The following SORL1 variants were observed in gnomAD, a reference collection of about 807,000 sequenced individuals.
SORL1 encodes the protein sortilin related receptor 1.
Under a neutral mutation model 273.7 loss-of-function variants are expected in SORL1, and 127 were observed. The observed-to-expected ratio is 0.46, with a 90% CI of 0.40 to 0.54. The LOEUF (loss-of-function observed/expected upper bound fraction) is 0.54. Among genes scored for constraint, SORL1 ranks in the 20% least tolerant of loss-of-function variants. SORL1 has a pLI of 0.00. For synonymous variants in SORL1, 1,031 were observed against 1,067.4 expected, an observed-to-expected ratio of 0.97 and a Z score of 0.66; for missense variants, 2,494 against 2,846.1, an observed-to-expected ratio of 0.88 and a Z score of 2.81.
rs1382310107 is a variant in SORL1, at chr11:121,633,627, C to T, written c.*4064C>T. ...TGCACAACTTTAAGATAATTTTTGT[C>T]TCAATGTCAACTTTTTTCACTGAAT... On this transcript the variant is annotated 3_prime_UTR_variant, in exon 48 of 48. Coordinates refer to ENST00000260197, the MANE Select transcript of SORL1 (RefSeq NM_003105.6). The T allele has an allele frequency of 1.3e-5, 2 of 152,156 alleles. No individual in the cohort carries two copies. Among genetic ancestry groups the T allele is most frequent in the African/African-American group, 4.8e-5 (2 of 41,438 alleles). 9.4% of individuals were successfully genotyped at this position (152,156 alleles called of 1,614,324 possible). A position where few individuals can be genotyped will look rare whatever the true frequency, so the allele number is the denominator to read the frequency against.
intron 41 of SORL1, among the ~76,000 whole-genome samples, chr11:121,616,462 C>T (rs1405435564): frequency 6.6e-6 from 1 of 152,180 alleles, no homozygotes; most frequent in Non-Finnish European, 1.5e-5. Context: ...CCTTGGCTCC[C>T]GTGGCTCTGT....
intron 24 of SORL1, among the ~76,000 whole-genome samples, chr11:121,574,579 G>T (rs183749163): frequency 1.7e-4 from 26 of 152,124 alleles, no homozygotes; most frequent in African/African-American, 2.9e-4. Context: ...GATTCAGTTC[G>T]CTGGAGACAC....
At chr11:121,490,179 T>C in intron 5 of SORL1, 69 bp downstream of exon 5, 1 of 1,026,754 alleles carries the variant, frequency 9.7e-7, no homozygotes, top group Non-Finnish European at 1.5e-6. Context: ...TCCTTCTTGG[T>C]GGACAAACTG....
intron 3 of SORL1, among the ~76,000 whole-genome samples, chr11:121,481,046 T>A: frequency 8.8e-6 from 1 of 113,130 alleles, no homozygotes; most frequent in Non-Finnish European, 1.8e-5. Flanking sequence ...CCCCAGCTCC[T>A]CCCCTAGTGC....
At chr11:121,491,717 A>C (rs548419103) in intron 5 of SORL1, among the ~76,000 whole-genome samples, 1 of 152,344 alleles carries the variant, frequency 6.6e-6, no homozygotes, top group South Asian at 2.1e-4. Context: ...TTCTAGTGCC[A>C]GCCTCCAGTG....
intron 2 of SORL1, among the ~76,000 whole-genome samples, chr11:121,472,835 C>G (rs1225587806): frequency 6.6e-6 from 1 of 152,010 alleles, no homozygotes; most frequent in East Asian, 1.9e-4. Context: ...TGGTGGGTGC[C>G]TGTAATTCCA....
chr11:121,555,297 T>C lies in SORL1; in HGVS notation c.2550T>C (p.Asp850=). The C allele has an allele frequency of 6.2e-7, 1 of 1,613,994 alleles. No individual in the cohort carries two copies. The part of the protein sequence containing the change: ...EPLSQLLYWV[D]AGFKKIEVAN... ...TCAGCCAGCTGCTTTACTGGGTAGA[T>C]GCAGGCTTCAAAAAGATTGAGGTAT... The change falls in exon 18 of 48, where the codon GAT becomes GAC. Residue 850 remains aspartate, a synonymous_variant. Transcript: ENST00000260197.
At chr11:121,482,450 G>A (rs1565309897) in intron 3 of SORL1, among the ~76,000 whole-genome samples, 2 of 152,210 alleles carry the variant, frequency 1.3e-5, no homozygotes, top group Admixed American at 6.5e-5. Context: ...CCTCAGGCCT[G>A]GAACAGGCTG....
intron 11 of SORL1, among the ~76,000 whole-genome samples, chr11:121,530,153 A>G (rs1462109635): frequency 3.3e-5 from 5 of 152,238 alleles, no homozygotes; most frequent in Non-Finnish European, 4.4e-5. Flanking sequence ...TACAAAACCC[A>G]CAAAGCAGTG....
At chr11:121,564,684 T>G (rs1862727613) in intron 21 of SORL1, among the ~76,000 whole-genome samples, 2 of 151,956 alleles carry the variant, frequency 1.3e-5, no homozygotes, top group Non-Finnish European at 2.9e-5. Context: ...TTAAGCAATC[T>G]TCCCACTTCA....
intron 37 of SORL1, among the ~76,000 whole-genome samples, chr11:121,607,877 T>C (rs1309747063): frequency 6.6e-6 from 1 of 152,196 alleles, no homozygotes; most frequent in Non-Finnish European, 1.5e-5. Context: ...ATAGAAATTT[T>C]CTGATCTCAG....
At chr11:121,623,766 G>C (rs1015159663) in intron 45 of SORL1, among the ~76,000 whole-genome samples, 5 of 152,218 alleles carry the variant, frequency 3.3e-5, no homozygotes, top group African/African-American at 1.2e-4. Context: ...TTCTAGGTTA[G>C]TATTTCGTTC....
Position 121,595,571 on chromosome 11 carries a change from T to C in SORL1, c.4370-52T>C. The C allele has an allele frequency of 5.4e-6, 8 of 1,487,964 alleles. No individual in the cohort carries two copies. The highest frequency in any genetic ancestry group is 2.0e-5 in the Admixed American group (1 of 50,490). 92.2% of individuals were successfully genotyped at this position (1,487,964 alleles called of 1,614,324 possible). On this transcript the variant is annotated intron_variant, in intron 31 of 47. Transcript: ENST00000260197. This position sits in a 1 kb window ranked among gnomAD's most constrained non-coding sequence, Gnocchi z 5.1. The stretch of plus-strand genomic sequence containing the variant: ...TAGCATATTGATTGGTTGCTGTTAT[T>C]GGCCAGCTCCCTCAATATTAAAAAG...
At chr11:121,591,247 C>T (rs1005625106) in intron 31 of SORL1, 91 bp downstream of exon 31, 1 of 1,366,924 alleles carries the variant, frequency 7.3e-7, no homozygotes, top group Non-Finnish European at 1.0e-6. Flanking sequence ...CAACCGGGCC[C>T]CATGCCCTGC....
At chr11:121,532,627 A>C (rs1445750430) in intron 12 of SORL1, 75 bp downstream of exon 12, 2 of 1,197,506 alleles carry the variant, frequency 1.7e-6, no homozygotes, top group African/African-American at 3.0e-5. Context: ...TAATTGGATT[A>C]TCTCTCTATA....
chr11:121,557,268 A>G (rs766363126), intron 18 of SORL1, 46 bp from the exon 19 acceptor site: 1 of 1,393,814 alleles, frequency 7.2e-7, no homozygotes, highest in South Asian at 1.2e-5. Context: ...GGGGTCTTTA[A>G]GGAGCTCCGA....
intron 26 of SORL1, among the ~76,000 whole-genome samples, chr11:121,585,560 A>G (rs1863087733): frequency 6.6e-6 from 1 of 151,598 alleles, no homozygotes; most frequent in Non-Finnish European, 1.5e-5. Flanking sequence ...GAAATGTTCA[A>G]AATAGAAAAG....
At chr11:121,580,789 G>A (rs2134942653) in intron 25 of SORL1, among the ~76,000 whole-genome samples, 1 of 151,828 alleles carries the variant, frequency 6.6e-6, no homozygotes, top group Non-Finnish European at 1.5e-5. Flanking sequence ...ATGTTTTGTA[G>A]AGATGGGGTT....
At chr11:121,460,153 C>A (rs562679179) in intron 1 of SORL1, among the ~76,000 whole-genome samples, 3 of 152,126 alleles carry the variant, frequency 2.0e-5, no homozygotes, top group Non-Finnish European at 2.9e-5. Flanking sequence ...TATCTCCCCC[C>A]CTTTCTGGGG....
Sources: allele counts gnomAD v4.1 joint callset (sites outside exome capture counted in the v4.1 genomes callset), GRCh38; gene constraint gnomAD v4.1.1; non-coding constraint Gnocchi (gnomAD v3.1); transcripts MANE v1.5; gene names NCBI Gene and HGNC (gene_info 2026-07-23, HGNC 2026-07-21).